Variants in SLC44A5 observed in about 807,000 individuals in gnomAD.
SLC44A5 encodes the protein choline transporter-like protein 5.
A neutral mutation model predicts 101.8 loss-of-function variants in SLC44A5; 57 were observed. The ratio of observed to expected loss-of-function variants is 0.56; its 90% CI spans 0.45 to 0.70. The LOEUF (loss-of-function observed/expected upper bound fraction) is 0.70. Among genes scored for constraint, SLC44A5 ranks in the 30% least tolerant of loss-of-function variants. The pLI is 0.00. For synonymous variants in SLC44A5, 281 were observed against 290.9 expected (o/e 0.97, Z 0.35); for missense variants, 737 against 853.1 (o/e 0.86, Z 1.70).
At chr1:75,679,268 A>C in the SLC44A5 span, among the ~76,000 whole-genome samples, 5 of 152,196 alleles carry the variant, frequency 3.3e-5, no homozygotes, top group African/African-American at 1.2e-4. Flanking sequence ...AGAACGCCAC[A>C]AAGATACTCC....
intron 1 of SLC44A5, among the ~76,000 whole-genome samples, chr1:75,576,561 G>A (rs1282359890): frequency 1.3e-5 from 2 of 151,960 alleles, no homozygotes; most frequent in East Asian, 1.9e-4. Flanking sequence ...CTCGTGATCC[G>A]TCCACTGTGG....
chr1:75,390,379 C>T (rs995044172), intron 3 of SLC44A5, among the ~76,000 whole-genome samples: 2 of 149,244 alleles, frequency 1.3e-5, no homozygotes, highest in Admixed American at 1.3e-4. Flanking sequence ...AGGCCAATAC[C>T]CTTGATGAAC....
At chr1:75,351,345 T>A (rs765586053) in intron 3 of SLC44A5, among the ~76,000 whole-genome samples, 2 of 151,910 alleles carry the variant, frequency 1.3e-5, no homozygotes, top group Non-Finnish European at 2.9e-5. Context: ...TAAATGGTGG[T>A]AGGACGATGG....
At position 75,357,588 on chromosome 1, in the gene SLC44A5, A is replaced by G. The variant is rs1215818046; in HGVS notation, c.53-17958T>C. 5.3e-5 allele frequency among the ~76,000 whole-genome samples: 8 copies of G among 152,186 alleles called. 1 individual carries two copies. The highest frequency in any genetic ancestry group is 1.7e-4 in the African/African-American group (7 of 41,454). On this transcript the variant is annotated intron_variant, in intron 3 of 23. Coordinates refer to ENST00000370859, the MANE Select transcript of SLC44A5 (RefSeq NM_001130058.2). The stretch of plus-strand genomic sequence containing the variant: ...GGAAAATGTGAGGGAAAGACAGCTC[A>G]TATTTAGCTGTGAAACCAAGAAAAG...
the SLC44A5 span, among the ~76,000 whole-genome samples, chr1:75,633,263 A>G: frequency 2.6e-5 from 4 of 152,314 alleles, no homozygotes; most frequent in Admixed American, 6.5e-5. Flanking sequence ...GAAGAAAGGC[A>G]TTCGTAGCTT....
the SLC44A5 span, among the ~76,000 whole-genome samples, chr1:75,683,258 A>T: frequency 6.6e-6 from 1 of 152,118 alleles, no homozygotes; most frequent in African/African-American, 2.4e-5. Context: ...ATGACTGGGT[A>T]TATACCCAAA....
Position 75,299,845 on chromosome 1 carries a change from CTA to C in SLC44A5, c.175+765_175+766del, listed in dbSNP as rs781122656. 4.0e-4 allele frequency among the ~76,000 whole-genome samples: 60 copies of C among 148,588 alleles called. 1 individual carries two copies. The highest frequency in any genetic ancestry group is 5.1e-4 in the Non-Finnish European group (34 of 67,190). On this transcript the variant is annotated intron_variant, in intron 5 of 23. Coordinates refer to ENST00000370859, the MANE Select transcript of SLC44A5 (RefSeq NM_001130058.2). ...CCAACATGGTGAAACCTTGTCTCTA[CTA>C]AAAAAAAAAAATACAAAAATTAGCT...
the SLC44A5 span, among the ~76,000 whole-genome samples, chr1:75,680,705 G>C: frequency 6.6e-6 from 1 of 151,442 alleles, no homozygotes; most frequent in East Asian, 1.9e-4. Context: ...AAAAGAACTA[G>C]AAAAGCAAGA....
At chr1:75,369,545 G>T (rs1233128676) in intron 3 of SLC44A5, among the ~76,000 whole-genome samples, 1 of 152,114 alleles carries the variant, frequency 6.6e-6, no homozygotes. Flanking sequence ...CCATAAAAAT[G>T]TCATGATAGA....
intron 1 of SLC44A5, among the ~76,000 whole-genome samples, chr1:75,572,940 T>C (rs930852049): frequency 1.3e-5 from 2 of 151,744 alleles, no homozygotes; most frequent in Non-Finnish European, 2.9e-5. Flanking sequence ...CTGGCTAACT[T>C]GGCAAAACCC....
the SLC44A5 span, among the ~76,000 whole-genome samples, chr1:75,669,396 C>T: frequency 6.6e-6 from 1 of 152,152 alleles, no homozygotes. Flanking sequence ...CACTCCCAAA[C>T]AAACTTTAGT....
chr1:75,399,278 C>T (rs549977753), intron 2 of SLC44A5, among the ~76,000 whole-genome samples: 1 of 152,240 alleles, frequency 6.6e-6, no homozygotes, highest in Admixed American at 6.5e-5. Flanking sequence ...GTTTATACGG[C>T]ATACCTAGCT....
intron 2 of SLC44A5, among the ~76,000 whole-genome samples, chr1:75,535,033 T>G (rs887385453): frequency 1.3e-5 from 2 of 151,408 alleles, no homozygotes; most frequent in African/African-American, 4.8e-5. Flanking sequence ...TCTATCTTGA[T>G]TAACTCTCAT....
the SLC44A5 span, among the ~76,000 whole-genome samples, chr1:75,694,707 A>AAATCT: frequency 6.6e-6 from 1 of 152,170 alleles, no homozygotes; most frequent in African/African-American, 2.4e-5. Context: ...AATCTATGTA[A>AAATCT]ATGTGTAATT....
intron 3 of SLC44A5, among the ~76,000 whole-genome samples, chr1:75,356,007 T>G: frequency 6.6e-6 from 1 of 150,822 alleles, no homozygotes. Context: ...AGGTCAGGAG[T>G]TTCAGACCAG....
intron 2 of SLC44A5, among the ~76,000 whole-genome samples, chr1:75,453,262 A>C (rs1388575958): frequency 1.3e-5 from 2 of 152,196 alleles, no homozygotes; most frequent in Non-Finnish European, 2.9e-5. Context: ...ATAGAAATTA[A>C]ACAACTTGCT....
At chr1:75,722,400 TA>T in the SLC44A5 span, among the ~76,000 whole-genome samples, 3 of 152,238 alleles carry the variant, frequency 2.0e-5, no homozygotes, top group South Asian at 2.1e-4. Flanking sequence ...ATCAACTCAG[TA>T]TATCACTGGA....
intron 3 of SLC44A5, among the ~76,000 whole-genome samples, chr1:75,371,516 T>G (rs1660221018): frequency 2.0e-5 from 3 of 152,110 alleles, no homozygotes; most frequent in Admixed American, 2.0e-4. Flanking sequence ...AGCATAATAT[T>G]CAGCCTTTCC....
intron 5 of SLC44A5, among the ~76,000 whole-genome samples, chr1:75,289,584 T>C (rs12095075): frequency 0.032 from 4,886 of 152,154 alleles, 256 homozygotes; most frequent in African/African-American, 0.11. Context: ...ATTCTTACAA[T>C]AGTAATATAT....
Sources: gnomAD v4.1 joint callset for allele counts (sites outside exome capture counted in the v4.1 genomes callset) on GRCh38, gnomAD v4.1.1 for gene constraint, MANE v1.5 for transcripts, NCBI Gene and HGNC (gene_info 2026-07-23, HGNC 2026-07-21) for gene names.